The following HHAT variants were observed in gnomAD, a reference collection of about 807,000 sequenced individuals.
HHAT encodes the protein hedgehog acyltransferase, also known as protein-cysteine N-palmitoyltransferase HHAT.
In HHAT, 47 loss-of-function variants were observed where a neutral mutation model predicts 70.8. That is an observed-to-expected ratio of 0.66 (90% CI 0.53 to 0.85). The LOEUF (loss-of-function observed/expected upper bound fraction) is 0.85, where lower values mean the gene tolerates loss of function less well. Among genes scored for constraint, HHAT ranks in the 40% least tolerant of loss-of-function variants. The pLI is 0.00. For synonymous variants in HHAT, 228 were observed against 247.6 expected (o/e 0.92, Z 0.74); for missense variants, 609 against 604.8 (o/e 1.01, Z -0.07).
chr1:210,405,071 C>A (rs972912737), intron 6 of HHAT, among the ~76,000 whole-genome samples: 2 of 152,142 alleles, frequency 1.3e-5, no homozygotes, highest in Non-Finnish European at 2.9e-5. Flanking sequence ...TGTTGCTTGG[C>A]AAATAGTATG....
chr1:210,331,908 C>A (rs1357022576), intron 1 of HHAT, among the ~76,000 whole-genome samples: 1 of 152,144 alleles, frequency 6.6e-6, no homozygotes, highest in Non-Finnish European at 1.5e-5. Context: ...TAGAAGAAAT[C>A]TCTGGAGTGG....
intron 8 of HHAT, among the ~76,000 whole-genome samples, chr1:210,509,255 A>T (rs187597768): frequency 6.6e-6 from 1 of 152,342 alleles, no homozygotes; most frequent in African/African-American, 2.4e-5. Flanking sequence ...TCTCAAATTT[A>T]AAAATCCAAA....
intron 9 of HHAT, among the ~76,000 whole-genome samples, chr1:210,563,958 T>C (rs544862487): frequency 6.6e-6 from 1 of 152,122 alleles, no homozygotes; most frequent in East Asian, 1.9e-4. Context: ...TTTGTTTGTT[T>C]GTTTGTTTGT....
At chr1:210,453,081 T>C (rs1020703446) in intron 7 of HHAT, among the ~76,000 whole-genome samples, 1 of 152,192 alleles carries the variant, frequency 6.6e-6, no homozygotes, top group African/African-American at 2.4e-5. Flanking sequence ...AGCAAAGTTA[T>C]CCATTTGCTT....
At chr1:210,401,190 C>T (rs2092052932) in intron 5 of HHAT, among the ~76,000 whole-genome samples, 1 of 152,194 alleles carries the variant, frequency 6.6e-6, no homozygotes, top group Non-Finnish European at 1.5e-5. Flanking sequence ...TCTTGGTTCA[C>T]TGCAACCTCC....
chr1:210,618,745 G>GC (rs956737504), intron 10 of HHAT, among the ~76,000 whole-genome samples: 1 of 152,152 alleles, frequency 6.6e-6, no homozygotes, highest in African/African-American at 2.4e-5. Flanking sequence ...CGTTCCTGCA[G>GC]CCCCCCATCC....
chr1:210,396,926 C>T (rs1025217834), intron 4 of HHAT, among the ~76,000 whole-genome samples: 2 of 152,164 alleles, frequency 1.3e-5, no homozygotes, highest in South Asian at 2.1e-4. Context: ...AAAATGGCAA[C>T]ACAAGGAATC....
At chr1:210,408,138 A>G (rs2092404448) in intron 6 of HHAT, among the ~76,000 whole-genome samples, 1 of 152,198 alleles carries the variant, frequency 6.6e-6, no homozygotes, top group Non-Finnish European at 1.5e-5. Flanking sequence ...ATGATTGTGT[A>G]TAGGTAATGT....
chr1:210,414,038 T>C (rs368122487), intron 6 of HHAT, among the ~76,000 whole-genome samples: 4 of 152,236 alleles, frequency 2.6e-5, no homozygotes, highest in East Asian at 3.9e-4. Context: ...AACAAAATAC[T>C]ATAAACTGGT....
At chr1:210,612,684 A>G (rs555451472) in intron 10 of HHAT, among the ~76,000 whole-genome samples, 149 of 152,252 alleles carry the variant, frequency 9.8e-4, no homozygotes, top group Non-Finnish European at 1.8e-3. Flanking sequence ...GCTGGATCAT[A>G]TGGCAATTTT....
At position 210,569,352 on chromosome 1, in the gene HHAT, C is replaced by T. The variant is rs182732331; in HGVS notation, c.1044-18546C>T. ...TTGTGCCACTGCACTCCAGCTCGGG[C>T]GACAGAGCCAGAGTCTGCCTCAAAA... On this transcript the variant is annotated intron_variant, in intron 9 of 11. Coordinates refer to ENST00000261458, the MANE Select transcript of HHAT (RefSeq NM_018194.6). Among the ~76,000 whole-genome samples, 247 of 100,034 alleles carry T rather than the reference C, an allele frequency of 2.5e-3. 1 individual carries two copies. Among genetic ancestry groups the T allele is most frequent in the African/African-American group, 8.7e-3 (229 of 26,216 alleles). The allele number at this position is 100,034 out of a possible 152,430, so 65.6% of individuals were successfully genotyped here.
chr1:210,434,027 A>G (rs1453489498), intron 7 of HHAT, among the ~76,000 whole-genome samples: 2 of 152,020 alleles, frequency 1.3e-5, no homozygotes, highest in Admixed American at 6.5e-5. Flanking sequence ...TGACAGGTAG[A>G]TAGAAAAAGA....
intron 10 of HHAT, among the ~76,000 whole-genome samples, chr1:210,619,892 T>C (rs2148865961): frequency 6.6e-6 from 1 of 152,392 alleles, no homozygotes; most frequent in East Asian, 1.9e-4. Flanking sequence ...TGTCCATTAT[T>C]GCCTTAGCTG....
At chr1:210,406,816 A>G (rs1300495113) in intron 6 of HHAT, among the ~76,000 whole-genome samples, 1 of 152,138 alleles carries the variant, frequency 6.6e-6, no homozygotes, top group East Asian at 1.9e-4. Flanking sequence ...CATTCTCTTG[A>G]GTCTCATTCT....
chr1:210,607,688 G>T (rs1423396781), intron 10 of HHAT, among the ~76,000 whole-genome samples: 1 of 151,988 alleles, frequency 6.6e-6, no homozygotes, highest in East Asian at 1.9e-4. Flanking sequence ...GAGATGGCCA[G>T]GGTCTAGGGT....
intron 11 of HHAT, among the ~76,000 whole-genome samples, chr1:210,635,786 C>G (rs987507690): frequency 6.6e-6 from 1 of 152,168 alleles, no homozygotes; most frequent in Non-Finnish European, 1.5e-5. Context: ...GTTTCTTTGG[C>G]TTTGCCCCTA....
At chr1:210,548,720 G>C (rs567193844) in intron 9 of HHAT, among the ~76,000 whole-genome samples, 7 of 152,300 alleles carry the variant, frequency 4.6e-5, no homozygotes, top group Non-Finnish European at 8.8e-5. Flanking sequence ...CACTGGACTT[G>C]TTAATGGTAT....
intron 9 of HHAT, among the ~76,000 whole-genome samples, chr1:210,514,588 A>G (rs548241249): frequency 2.0e-4 from 31 of 152,256 alleles, no homozygotes; most frequent in South Asian, 1.9e-3. Flanking sequence ...TAGTAAATTT[A>G]TTGAGGTCAG....
In HHAT at chr1:210,452,972, G is replaced by A. The variant is rs115612983; in HGVS notation, c.857-11533G>A. 3.4e-3 allele frequency among the ~76,000 whole-genome samples: 521 copies of A among 152,308 alleles called. 4 individuals are homozygous for A. The highest frequency in any genetic ancestry group is 0.013 in the South Asian group (62 of 4,828). On this transcript the variant is annotated intron_variant, in intron 7 of 11. Coordinates refer to ENST00000261458, the MANE Select transcript of HHAT (RefSeq NM_018194.6). Reference sequence around the variant, plus strand: ...TTCACTGATTGGAGATTAAAAACCTGTCTAAGTGTAAGTAATCAGAGTTTT... The same window carrying A: ...TTCACTGATTGGAGATTAAAAACCTATCTAAGTGTAAGTAATCAGAGTTTT...
Sources: allele counts gnomAD v4.1 joint callset (sites outside exome capture counted in the v4.1 genomes callset), GRCh38; gene constraint gnomAD v4.1.1; transcripts MANE v1.5; gene names NCBI Gene and HGNC (gene_info 2026-07-23, HGNC 2026-07-21).